Variants in WIPF1 observed in about 807,000 individuals in gnomAD.
WIPF1 encodes the protein WAS/WASL interacting protein family member 1.
In WIPF1, 13 loss-of-function variants were observed where a neutral mutation model predicts 35.4. That is an observed-to-expected ratio of 0.37 (90% CI 0.24 to 0.58). The LOEUF is 0.58. Among genes scored for constraint, WIPF1 ranks in the 20% least tolerant of loss-of-function variants. WIPF1 has a pLI of 0.74. For missense variants in WIPF1, 591 were observed against 667.0 expected (o/e 0.89, Z 1.25); for synonymous variants, 267 against 266.3 (o/e 1.00, Z -0.02).
upstream of WIPF1, among the ~76,000 whole-genome samples, chr2:174,600,341 G>C (rs947916237): frequency 3.3e-5 from 5 of 152,108 alleles, no homozygotes; most frequent in African/African-American, 1.2e-4. Context: ...ACATAAATTA[G>C]ATAATGTTCC....
At chr2:174,593,997 T>G (rs901608670) in intron 1 of WIPF1, among the ~76,000 whole-genome samples, 1 of 152,216 alleles carries the variant, frequency 6.6e-6, no homozygotes, top group Non-Finnish European at 1.5e-5. Flanking sequence ...ATCAGCAGCC[T>G]CACCCAGTTG....
In WIPF1 at chr2:174,609,338, G is replaced by A. The variant is rs568595098; in HGVS notation, c.-38-23727C>T. On this transcript the variant is annotated intron_variant, in intron 1 of 8. Transcript: ENST00000272746. Reference sequence around the variant, plus strand: ...GTTGTATTCATTCCCTGTATTTTCCGGTAATGCAAATGTCATACAAATGAA... The same window carrying A: ...GTTGTATTCATTCCCTGTATTTTCCAGTAATGCAAATGTCATACAAATGAA... 3.0e-4 allele frequency among the ~76,000 whole-genome samples: 45 copies of A among 152,078 alleles called. 1 individual carries two copies. Among genetic ancestry groups the A allele is most frequent in the African/African-American group, 9.9e-4 (41 of 41,458 alleles).
At chr2:174,597,538 C>T (rs1217578520) in intron 1 of WIPF1, 63 bp downstream of exon 1, 1 of 152,386 alleles carries the variant, frequency 6.6e-6, no homozygotes, top group Non-Finnish European at 1.5e-5. Context: ...CATTAAAAGC[C>T]ATTTAGTTCT....
At chr2:174,633,806 G>A (rs1687102849) in intron 1 of WIPF1, among the ~76,000 whole-genome samples, 1 of 152,082 alleles carries the variant, frequency 6.6e-6, no homozygotes, top group South Asian at 2.1e-4. Context: ...GCCTCTTCAC[G>A]GCCTGCTGGG....
At chr2:174,627,621 G>GC (rs1686888949) in intron 1 of WIPF1, among the ~76,000 whole-genome samples, 1 of 150,732 alleles carries the variant, frequency 6.6e-6, no homozygotes, top group South Asian at 2.1e-4. Context: ...GCTCACTGCA[G>GC]CCTTGACCTT....
In WIPF1 at chr2:174,655,608, G is replaced by A. The variant is rs12616251; in HGVS notation, c.-39+27166C>T. On this transcript the variant is annotated intron_variant, in intron 1 of 8. Coordinates refer to the WIPF1 transcript ENST00000272746. Reference sequence around the variant, plus strand: ...ATGTTTTTCTGGTCTCTTGGCCTAGGAGCATGTTGTTCTTCTGCCAGCAAC... The same window carrying A: ...ATGTTTTTCTGGTCTCTTGGCCTAGAAGCATGTTGTTCTTCTGCCAGCAAC... 8.4e-3 allele frequency: 1,287 copies of A among 152,330 alleles called. 68 individuals carry two copies. In the East Asian group the frequency reaches 0.15, roughly 18 times the overall value. 9.4% of individuals were successfully genotyped at this position (152,330 alleles called of 1,614,324 possible). A position where few individuals can be genotyped will look rare whatever the true frequency, so the allele number is the denominator to read the frequency against.
intron 1 of WIPF1, among the ~76,000 whole-genome samples, chr2:174,586,738 T>C (rs1391308754): frequency 6.6e-6 from 1 of 152,190 alleles, no homozygotes; most frequent in East Asian, 1.9e-4. Flanking sequence ...ACCCCATCCT[T>C]GCTACACAAA....
intron 1 of WIPF1, among the ~76,000 whole-genome samples, chr2:174,628,544 G>A (rs1387604926): frequency 6.6e-6 from 1 of 152,216 alleles, no homozygotes; most frequent in African/African-American, 2.4e-5. Flanking sequence ...CCATATGGCT[G>A]TGCTGTCTTC....
chr2:174,572,291 G>A lies in WIPF1; in HGVS notation c.514C>T (p.Pro172Ser). The A allele has an allele frequency of 6.2e-7, 1 of 1,614,082 alleles. No homozygotes were observed. Among genetic ancestry groups the A allele is most frequent in the South Asian group, 1.1e-5 (1 of 91,070 alleles). ...PEPQRNRMPP[P>S]RPDVGSKPDS... ...GGCTTTGAGCCCACGTCGGGCCTTG[G>A]GGGCGGCATTCGGTTCCTCTGAGGC... The change falls in exon 5 of 8, where the codon CCA becomes TCA. Residue 172 changes from proline (P) to serine (S), a missense_variant. Transcript: ENST00000679041.
rs139181333 is a variant in WIPF1 at position 174,573,822 on chromosome 2, C to T, written c.359-1376G>A. Among the ~76,000 whole-genome samples, 16 of 152,014 alleles carry T rather than the reference C, an allele frequency of 1.1e-4. No individual in the cohort carries two copies. In the East Asian group the frequency reaches 3.1e-3, roughly 29 times the overall value. ...GAAGGGGTTCCGATTTTATCTAAGGCACAGGAAGAAGCATTTGGACAGATG... is the reference window on the plus strand; with the variant it reads ...GAAGGGGTTCCGATTTTATCTAAGGTACAGGAAGAAGCATTTGGACAGATG... On this transcript the variant is annotated intron_variant, in intron 4 of 7. Transcript: ENST00000679041.
At chr2:174,595,123 T>A (rs868483106) in intron 1 of WIPF1, among the ~76,000 whole-genome samples, 6,953 of 65,760 alleles carry the variant, frequency 0.11, 599 homozygotes, top group East Asian at 0.44. Flanking sequence ...TATATATATA[T>A]ATATATATAT....
chr2:174,639,410 C>A (rs766280934), intron 1 of WIPF1, among the ~76,000 whole-genome samples: 1 of 152,136 alleles, frequency 6.6e-6, no homozygotes, highest in Non-Finnish European at 1.5e-5. Flanking sequence ...TGCATCATCA[C>A]GCTTGGCTAA....
At chr2:174,580,076 G>A (rs1415501510) in intron 3 of WIPF1, among the ~76,000 whole-genome samples, 4 of 151,830 alleles carry the variant, frequency 2.6e-5, no homozygotes, top group Non-Finnish European at 1.5e-5. Flanking sequence ...TCAGCCTCCC[G>A]AGTAGCTGGG....
intron 1 of WIPF1, among the ~76,000 whole-genome samples, chr2:174,674,128 C>A (rs748927809): frequency 2.6e-5 from 4 of 152,304 alleles, no homozygotes; most frequent in Admixed American, 2.6e-4. Flanking sequence ...AACTCAGCAA[C>A]GGCAAGGACA....
chr2:174,598,965 T>A (rs527951600), upstream of WIPF1, among the ~76,000 whole-genome samples: 1 of 152,316 alleles, frequency 6.6e-6, no homozygotes, highest in African/African-American at 2.4e-5. Context: ...ATGCAACACA[T>A]AGTATATAAC....
intron 1 of WIPF1, among the ~76,000 whole-genome samples, chr2:174,586,774 G>A (rs1685437506): frequency 6.6e-6 from 1 of 152,116 alleles, no homozygotes; most frequent in Non-Finnish European, 1.5e-5. Flanking sequence ...GGCAGCGTGG[G>A]CACCACCCAG....
At chr2:174,663,648 C>T (rs925161059) in intron 1 of WIPF1, among the ~76,000 whole-genome samples, 19 of 152,294 alleles carry the variant, frequency 1.2e-4, no homozygotes, top group African/African-American at 4.1e-4. Context: ...GCAAATTGCA[C>T]GAGGGATTCC....
At chr2:174,586,201 T>TG (rs893518965) in intron 1 of WIPF1, among the ~76,000 whole-genome samples, 9 of 152,006 alleles carry the variant, frequency 5.9e-5, no homozygotes, top group Non-Finnish European at 1.2e-4. Context: ...GGTGGACGTG[T>TG]GGGGGGTCAA....
intron 4 of WIPF1, among the ~76,000 whole-genome samples, chr2:174,573,891 CTT>C (rs564081857): frequency 3.7e-4 from 52 of 138,802 alleles, no homozygotes; most frequent in Admixed American, 3.6e-4. Context: ...CTTTCTTCTT[CTT>C]TTTTTTTTTT....
Sources: allele counts gnomAD v4.1 joint callset (sites outside exome capture counted in the v4.1 genomes callset), GRCh38; gene constraint gnomAD v4.1.1; transcripts MANE v1.5; gene names NCBI Gene and HGNC (gene_info 2026-07-23, HGNC 2026-07-21).